Variants in NDST4 observed in about 807,000 individuals in gnomAD.
The protein encoded by NDST4 is N-deacetylase and N-sulfotransferase 4, also known as N-heparan sulfate sulfotransferase 4.
A neutral mutation model predicts 100.8 loss-of-function variants in NDST4; 63 were observed. The ratio of observed to expected loss-of-function variants is 0.62; its 90% CI spans 0.51 to 0.77. The LOEUF is 0.77. Ranked by LOEUF, NDST4 falls within the 30% of genes least tolerant of loss-of-function variation. The pLI, the probability that NDST4 is intolerant of heterozygous loss-of-function variation, is 0.00. For synonymous variants in NDST4, 377 were observed against 361.8 expected (o/e 1.04, Z -0.48); for missense variants, 943 against 1,018.4 (o/e 0.93, Z 1.01).
chr4:114,951,520 A>T (rs1367855233), intron 4 of NDST4, among the ~76,000 whole-genome samples: 1 of 152,150 alleles, frequency 6.6e-6, no homozygotes, highest in Non-Finnish European at 1.5e-5. Context: ...AATGATAATG[A>T]TGACAAATAC....
chr4:114,933,431 C>CTT (rs1725555322), intron 6 of NDST4, among the ~76,000 whole-genome samples: 4 of 89,792 alleles, frequency 4.5e-5, no homozygotes, highest in African/African-American at 2.1e-4. Context: ...TTTTTCTTTT[C>CTT]CTTTTTTTTT....
At chr4:115,059,945 T>A (rs980657781) in intron 2 of NDST4, among the ~76,000 whole-genome samples, 10 of 151,692 alleles carry the variant, frequency 6.6e-5, no homozygotes, top group African/African-American at 9.7e-5. Context: ...CCTTGAGGAT[T>A]ATTCCCACTA....
intron 6 of NDST4, among the ~76,000 whole-genome samples, chr4:114,929,344 G>C (rs1431046010): frequency 6.6e-6 from 1 of 152,070 alleles, no homozygotes; most frequent in Non-Finnish European, 1.5e-5. Context: ...GCTATGCATA[G>C]TCCTTGTTTT....
chr4:114,840,704 GA>G, intron 10 of NDST4, among the ~76,000 whole-genome samples: 1 of 152,190 alleles, frequency 6.6e-6, no homozygotes, highest in Non-Finnish European at 1.5e-5. Flanking sequence ...TAAGTGTTGT[GA>G]AACTTCTAAA....
chr4:114,933,480 C>A (rs1553955229), intron 6 of NDST4, among the ~76,000 whole-genome samples: 2 of 108,838 alleles, frequency 1.8e-5, no homozygotes, highest in East Asian at 4.1e-4. Flanking sequence ...AAAGCCCAGA[C>A]AACAGAAGCA....
chr4:115,106,906 G>A (rs541156876), intron 1 of NDST4, among the ~76,000 whole-genome samples: 2 of 152,226 alleles, frequency 1.3e-5, no homozygotes, highest in Non-Finnish European at 2.9e-5. Flanking sequence ...TATGATCCTA[G>A]CACTTTGTCA....
intron 7 of NDST4, among the ~76,000 whole-genome samples, chr4:114,864,149 A>G (rs1278914319): frequency 2.6e-5 from 4 of 152,324 alleles, no homozygotes; most frequent in Non-Finnish European, 4.4e-5. Flanking sequence ...GGAATTATCA[A>G]TTCAAGATTG....
chr4:114,928,389 C>A (rs1364447340), intron 6 of NDST4, among the ~76,000 whole-genome samples: 2 of 152,192 alleles, frequency 1.3e-5, no homozygotes, highest in Admixed American at 6.5e-5. Context: ...AAATATTAAT[C>A]ATAGCCCATC....
intron 1 of NDST4, among the ~76,000 whole-genome samples, chr4:115,083,402 G>C (rs1729341655): frequency 6.6e-6 from 1 of 152,188 alleles, no homozygotes; most frequent in Non-Finnish European, 1.5e-5. Context: ...CAAGGTTGCA[G>C]TGAGCTATGA....
At chr4:114,851,269 C>G (rs1446817955) in intron 8 of NDST4, among the ~76,000 whole-genome samples, 1 of 152,162 alleles carries the variant, frequency 6.6e-6, no homozygotes, top group Non-Finnish European at 1.5e-5. Flanking sequence ...CAAACTATGA[C>G]TTCAGACTTC....
intron 1 of NDST4, among the ~76,000 whole-genome samples, chr4:115,096,993 A>G (rs1729632673): frequency 6.6e-6 from 1 of 151,988 alleles, no homozygotes; most frequent in South Asian, 2.1e-4. Context: ...TCATCCCCTC[A>G]ACCGCACAGA....
At chr4:114,984,918 C>T (rs923802855) in intron 2 of NDST4, among the ~76,000 whole-genome samples, 3 of 152,148 alleles carry the variant, frequency 2.0e-5, no homozygotes, top group African/African-American at 7.2e-5. Flanking sequence ...TACCTTTCTT[C>T]TTACTCATCT....
At chr4:115,030,357 A>G (rs182691304) in intron 2 of NDST4, among the ~76,000 whole-genome samples, 172 of 152,258 alleles carry the variant, frequency 1.1e-3, no homozygotes, top group African/African-American at 3.7e-3. Context: ...TGAGCATCTA[A>G]AAAGTTCATA....
chr4:114,977,099 G>A lies in NDST4; in HGVS notation c.1066+88C>T, dbSNP rs944879504. ...CCCAAGTTTTTCCCATAATCAATCTGGAGAATCTATCTCTACCACTTATGA... is the reference window on the plus strand; with the variant it reads ...CCCAAGTTTTTCCCATAATCAATCTAGAGAATCTATCTCTACCACTTATGA... On this transcript the variant is annotated intron_variant, in intron 3 of 13. Coordinates refer to ENST00000264363, the MANE Select transcript of NDST4 (RefSeq NM_022569.3). The A allele has an allele frequency of 3.8e-6, 3 of 789,062 alleles. No homozygotes were observed. The East Asian group carries it at 8.4e-5, about 22-fold the overall frequency. 48.9% of individuals were successfully genotyped at this position (789,062 alleles called of 1,614,324 possible).
At chr4:115,031,836 G>A (rs563706471) in intron 2 of NDST4, among the ~76,000 whole-genome samples, 1 of 152,000 alleles carries the variant, frequency 6.6e-6, no homozygotes, top group East Asian at 1.9e-4. Context: ...ACTCTTTTTG[G>A]GATGTGTCAG....
chr4:115,101,522 G>C (rs1729730138), intron 1 of NDST4, among the ~76,000 whole-genome samples: 2 of 152,108 alleles, frequency 1.3e-5, no homozygotes, highest in Admixed American at 6.6e-5. Context: ...GTTGGTGGAA[G>C]AGGGTAGTAG....
rs115681622 is a variant in NDST4 at position 115,057,863 on chromosome 4, A to G, written c.978+18196T>C. Among the ~76,000 whole-genome samples, 401 of 152,266 alleles carry G rather than the reference A, an allele frequency of 2.6e-3. 1 individual carries two copies. Among genetic ancestry groups the G allele is most frequent in the African/African-American group, 9.2e-3 (382 of 41,564 alleles). On this transcript the variant is annotated intron_variant, in intron 2 of 13. Coordinates refer to ENST00000264363, the MANE Select transcript of NDST4 (RefSeq NM_022569.3). ...TTTTGAATGTAAGCTTAACAATAAT[A>G]TATATACTATGTGTGCATGATATTA...
intron 2 of NDST4, among the ~76,000 whole-genome samples, chr4:114,982,599 A>G (rs1223012708): frequency 2.0e-5 from 3 of 152,200 alleles, no homozygotes; most frequent in Non-Finnish European, 4.4e-5. Flanking sequence ...CTTATATTTA[A>G]AAGTGAAGCA....
At chr4:115,011,717 T>C (rs887915841) in intron 2 of NDST4, among the ~76,000 whole-genome samples, 7 of 151,918 alleles carry the variant, frequency 4.6e-5, no homozygotes, top group African/African-American at 1.4e-4. Flanking sequence ...GTGAAAAATA[T>C]AGAACTTACT....
Sources: gnomAD v4.1 joint callset for allele counts (sites outside exome capture counted in the v4.1 genomes callset) on GRCh38, gnomAD v4.1.1 for gene constraint, MANE v1.5 for transcripts, NCBI Gene and HGNC (gene_info 2026-07-23, HGNC 2026-07-21) for gene names.